DTD1: variants seen among roughly 807,000 people sequenced by gnomAD.
DTD1 encodes D-aminoacyl-tRNA deacylase 1.
In DTD1, 13 loss-of-function variants were observed where a neutral mutation model predicts 25.6. The observed-to-expected ratio is 0.51, with a 90% CI of 0.33 to 0.81. The LOEUF (loss-of-function observed/expected upper bound fraction) is 0.81, where lower values mean the gene tolerates loss of function less well. Ranked by LOEUF, DTD1 falls within the 30% of genes least tolerant of loss-of-function variation. The pLI, the probability that DTD1 is intolerant of heterozygous loss-of-function variation, is 0.02. For missense variants in DTD1, 193 were observed against 266.4 expected (o/e 0.72, Z 1.92); for synonymous variants, 110 against 103.6 (o/e 1.06, Z -0.37).
intron 2 of DTD1, among the ~76,000 whole-genome samples, chr20:18,594,587 C>T (rs1297704654): frequency 6.6e-6 from 1 of 152,168 alleles, no homozygotes; most frequent in Non-Finnish European, 1.5e-5. Context: ...ATGCTGGATC[C>T]ATTTATTCTG....
chr20:18,703,306 G>C (rs2061112941), intron 4 of DTD1, among the ~76,000 whole-genome samples: 1 of 151,810 alleles, frequency 6.6e-6, no homozygotes, highest in African/African-American at 2.4e-5. Context: ...TTTCCTTCTG[G>C]GTCGTGTGGA....
intron 4 of DTD1, among the ~76,000 whole-genome samples, chr20:18,683,486 G>T (rs2061005109): frequency 6.6e-6 from 1 of 152,118 alleles, no homozygotes; most frequent in Admixed American, 6.5e-5. Flanking sequence ...TTCTCGAGTG[G>T]CATATACCAT....
At chr20:18,606,776 G>T (rs866268626) in intron 3 of DTD1, among the ~76,000 whole-genome samples, 857 of 29,334 alleles carry the variant, frequency 0.029, 11 homozygotes, top group African/African-American at 0.057. Flanking sequence ...TGGGGACTGT[G>T]GTGGGGGGGG....
rs149775458 is a variant in DTD1 at position 18,643,298 on chromosome 20, G to A, written c.477+15065G>A. The A allele has an allele frequency of 2.6e-3, 877 of 333,668 alleles. 11 individuals carry two copies. Among genetic ancestry groups the A allele is most frequent in the African/African-American group, 0.018 (830 of 46,240 alleles). 20.7% of individuals were successfully genotyped at this position (333,668 alleles called of 1,614,324 possible). On this transcript the variant is annotated intron_variant, in intron 4 of 5. Transcript: ENST00000377452. ...TTCATAAATGCCTTGTTGAGAGTGC[G>A]TAGTTGAGAGGTGCTGTAGGTAGTA...
chr20:18,738,315 G>T (rs1353093502), intron 4 of DTD1, among the ~76,000 whole-genome samples: 1 of 152,184 alleles, frequency 6.6e-6, no homozygotes. Context: ...GGGCGTTGCT[G>T]TCTTGTTTAT....
At chr20:18,588,846 A>G in intron 1 of DTD1, 1 of 985,452 alleles carries the variant, frequency 1.0e-6, no homozygotes, top group Non-Finnish European at 1.2e-6. Context: ...GGTCCAGATG[A>G]TTAGTGTAGA....
intron 4 of DTD1, among the ~76,000 whole-genome samples, chr20:18,644,645 G>A (rs1190944763): frequency 6.6e-6 from 1 of 152,208 alleles, no homozygotes; most frequent in African/African-American, 2.4e-5. Flanking sequence ...GAGTTGCTTG[G>A]AACCTGTGTA....
At chr20:18,619,224 C>A (rs1416331776) in intron 3 of DTD1, among the ~76,000 whole-genome samples, 2 of 152,144 alleles carry the variant, frequency 1.3e-5, no homozygotes, top group Non-Finnish European at 2.9e-5. Context: ...TTGCAGCTAT[C>A]TTTCTCTATT....
At chr20:18,742,479 C>T (rs936993700) in intron 4 of DTD1, among the ~76,000 whole-genome samples, 5 of 152,098 alleles carry the variant, frequency 3.3e-5, no homozygotes, top group East Asian at 1.9e-4. Flanking sequence ...ACCTGAGCTC[C>T]GCCTCCTGTC....
intron 3 of DTD1, among the ~76,000 whole-genome samples, chr20:18,609,141 T>C (rs1434188607): frequency 1.3e-5 from 2 of 150,688 alleles, no homozygotes; most frequent in African/African-American, 4.9e-5. Context: ...TAGACAGTTA[T>C]TAACTTTATT....
At chr20:18,620,196 A>G (rs2060728072) in intron 3 of DTD1, 1 of 152,182 alleles carries the variant, frequency 6.6e-6, no homozygotes, top group Non-Finnish European at 1.5e-5. Context: ...GAATTTTTAA[A>G]TCAGCTTATT....
intron 4 of DTD1, chr20:18,632,294 G>A (rs2060791627): frequency 1.0e-6 from 1 of 985,278 alleles, no homozygotes; most frequent in African/African-American, 1.7e-5. Context: ...TACACAAATT[G>A]TCTTGCATCA....
At chr20:18,631,207 C>A (rs1345610284) in intron 4 of DTD1, 1 of 985,374 alleles carries the variant, frequency 1.0e-6, no homozygotes, top group African/African-American at 1.7e-5. Flanking sequence ...TCCAGCCTCT[C>A]CCTGGGGCCA....
intron 3 of DTD1, among the ~76,000 whole-genome samples, chr20:18,598,171 C>T (rs902329364): frequency 8.6e-5 from 13 of 151,966 alleles, no homozygotes; most frequent in African/African-American, 2.4e-4. Context: ...CAACAGGTCC[C>T]GGTGTGTCCA....
intron 2 of DTD1, 46 bp downstream of exon 2, chr20:18,593,867 G>A: frequency 6.6e-7 from 1 of 1,509,212 alleles, no homozygotes; most frequent in Non-Finnish European, 9.2e-7. Flanking sequence ...CTATGTGGTG[G>A]TGGTCATGCT....
chr20:18,763,797 A>G lies in DTD1; in HGVS notation c.*457A>G, dbSNP rs1470606908. ...AGGGCCCGTGTTGAAGTGTCAAGAGAGCAATCATCAATGATAATGTATTGT... is the reference window on the plus strand; with the variant it reads ...AGGGCCCGTGTTGAAGTGTCAAGAGGGCAATCATCAATGATAATGTATTGT... On this transcript the variant is annotated 3_prime_UTR_variant, in exon 6 of 6. Transcript: ENST00000377452. The G allele has an allele frequency of 6.6e-6, 1 of 152,186 alleles. No individual in the cohort carries two copies. The highest frequency in any genetic ancestry group is 1.5e-5 in the Non-Finnish European group (1 of 68,030). 9.4% of individuals were successfully genotyped at this position (152,186 alleles called of 1,614,324 possible). A position where few individuals can be genotyped will look rare whatever the true frequency, so the allele number is the denominator to read the frequency against.
chr20:18,765,527 G>C lies in DTD1; in HGVS notation c.*2187G>C, dbSNP rs2061376539. ...ATCCTGAAAATCACTTTCAACTCCT[G>C]GGATCAGAGAAATAGCAGTGAATAC... is the stretch of plus-strand genomic sequence containing the variant. On this transcript the variant is annotated 3_prime_UTR_variant, in exon 6 of 6. Coordinates refer to ENST00000377452, the MANE Select transcript of DTD1 (RefSeq NM_080820.6). 1 of 152,202 alleles carries C rather than the reference G, an allele frequency of 6.6e-6. No homozygotes were observed. The highest frequency in any genetic ancestry group is 6.5e-5 in the Admixed American group (1 of 15,282). 9.4% of individuals were successfully genotyped at this position (152,202 alleles called of 1,614,324 possible).
intron 3 of DTD1, among the ~76,000 whole-genome samples, chr20:18,610,826 C>T (rs1231540651): frequency 1.7e-5 from 2 of 115,104 alleles, no homozygotes; most frequent in African/African-American, 5.7e-5. Flanking sequence ...GTGGGAGGAT[C>T]GCTTTCACAC....
chr20:18,739,992 C>T lies in DTD1; in HGVS notation c.478-4108C>T, dbSNP rs1329078728. ...CTGTGCCTGTCATTTAAATAGTTATCACATGTGATTTAAAAGCTGGCTCTC... is the reference window on the plus strand; with the variant it reads ...CTGTGCCTGTCATTTAAATAGTTATTACATGTGATTTAAAAGCTGGCTCTC... On this transcript the variant is annotated intron_variant, in intron 4 of 5. Transcript: ENST00000377452. Among the ~76,000 whole-genome samples the T allele has an allele frequency of 2.0e-5, 3 of 151,916 alleles. No individual in the cohort carries two copies. In the South Asian group the frequency reaches 6.2e-4, roughly 32 times the overall value.
Sources: gnomAD v4.1 joint callset for allele counts (sites outside exome capture counted in the v4.1 genomes callset) on GRCh38, gnomAD v4.1.1 for gene constraint, MANE v1.5 for transcripts, NCBI Gene and HGNC (gene_info 2026-07-23, HGNC 2026-07-21) for gene names.